The following COG3 variants were observed in gnomAD, a reference collection of about 807,000 sequenced individuals.
COG3 encodes conserved oligomeric Golgi complex subunit 3.
COG3 carries 32 observed loss-of-function variants against 114.1 expected under a neutral mutation model. That is an observed-to-expected ratio of 0.28 (90% confidence interval 0.21 to 0.38). COG3 has a LOEUF of 0.38. Among genes scored for constraint, COG3 ranks in the 10% least tolerant of loss-of-function variants. The pLI, the probability that COG3 is intolerant of heterozygous loss-of-function variation, is 1.00. For missense variants in COG3, 813 were observed against 973.2 expected (o/e 0.84, Z 2.19); for synonymous variants, 352 against 365.7 (o/e 0.96, Z 0.43).
At chr13:45,520,235 T>C (rs1411003848) in intron 19 of COG3, among the ~76,000 whole-genome samples, 1 of 149,412 alleles carries the variant, frequency 6.7e-6, no homozygotes, top group Non-Finnish European at 1.5e-5. Flanking sequence ...GTGCAGTGAG[T>C]CAAGATCATC....
intron 19 of COG3, 77 bp downstream of exon 19, chr13:45,519,171 T>A: frequency 2.0e-6 from 3 of 1,505,902 alleles, no homozygotes; most frequent in Non-Finnish European, 2.7e-6. Context: ...CTCTCTTGTG[T>A]AAACTCTGGC....
At position 45,491,699 on chromosome 13, in the gene COG3, C is replaced by G. The variant is rs138790967; in HGVS notation, c.1095+161C>G. 5.7e-3 allele frequency among the ~76,000 whole-genome samples: 870 copies of G among 152,158 alleles called. 16 individuals carry two copies. The highest frequency in any genetic ancestry group is 5.7e-3 in the Non-Finnish European group (387 of 67,990). The stretch of plus-strand genomic sequence containing the variant: ...CTAGTTTGGTAATTAGCCTTATTCA[C>G]CTTTGCAAAATATTCTCATTTTTTA... On this transcript the variant is annotated intron_variant, in intron 10 of 22. Transcript: ENST00000349995.
chr13:45,500,036 ATG>A (rs1566257025), intron 13 of COG3, among the ~76,000 whole-genome samples: 55 of 109,572 alleles, frequency 5.0e-4, no homozygotes, highest in Middle Eastern at 3.9e-3. Context: ...ATATATATAT[ATG>A]TATGTGTGTG....
intron 12 of COG3, chr13:45,493,972 A>G (rs1868412682): frequency 6.5e-6 from 1 of 152,694 alleles, no homozygotes; most frequent in Non-Finnish European, 1.5e-5. Flanking sequence ...ATTCTTCAGT[A>G]TTTGATTTGA....
At chr13:45,510,853 T>C (rs1019283933) in intron 15 of COG3, among the ~76,000 whole-genome samples, 1 of 152,246 alleles carries the variant, frequency 6.6e-6, no homozygotes, top group African/African-American at 2.4e-5. Context: ...CATCTTAAGC[T>C]TTCTTAGGCA....
chr13:45,481,319 T>C lies in COG3; in HGVS notation c.624+15T>C, dbSNP rs1279504381. 1 of 1,352,662 alleles carries C rather than the reference T, an allele frequency of 7.4e-7. No individual in the cohort carries two copies. The highest frequency in any genetic ancestry group is 1.0e-6 in the Non-Finnish European group (1 of 954,664). The allele number at this position is 1,352,662 out of a possible 1,614,324, so 83.8% of individuals were successfully genotyped here. A position where few individuals can be genotyped will look rare whatever the true frequency, so the allele number is the denominator to read the frequency against. On this transcript the variant is annotated intron_variant, in intron 5 of 22. Transcript: ENST00000349995. ...CTATTAACACAGTAAGCATTGTTCT[T>C]TACTTCTTATAAAGTTAGTGATTTT...
At chr13:45,518,926 A>G in intron 18 of COG3, 34 bp from the exon 19 acceptor site, 1 of 1,613,610 alleles carries the variant, frequency 6.2e-7, no homozygotes. Context: ...CTAGGCACAT[A>G]AAAACAGGAG....
At position 45,480,308 on chromosome 13, in the gene COG3, A is replaced by G. The variant is rs745326793; in HGVS notation, c.549+18A>G. On this transcript the variant is annotated intron_variant, in intron 4 of 22. Transcript: ENST00000349995. The stretch of plus-strand genomic sequence containing the variant: ...AAGAACAGGTAATTTGGAGTAAGAG[A>G]GAGGATCAGTCATTATATTTAATAT... The G allele has an allele frequency of 6.5e-7, 1 of 1,547,676 alleles. No homozygotes were observed. Among genetic ancestry groups the G allele is most frequent in the South Asian group, 1.2e-5 (1 of 86,600 alleles).
rs762425636 is a variant in COG3, at chr13:45,530,696, A to G, written c.2373A>G (p.Gln791=). ...LFKPVRNNIQ[Q]VFQKFHALLK... is the part of the protein sequence containing the mutation. ...TCCTTTCTAAGAATAATATTCAGCA[A>G]GTCTTCCAGAAGTTCCACGCTCTGT... Residue 791 remains glutamine, a synonymous_variant, in exon 22 of 23, where the codon CAA becomes CAG. Coordinates refer to ENST00000349995, the MANE Select transcript of COG3 (RefSeq NM_031431.4). The G allele has an allele frequency of 6.2e-7, 1 of 1,605,352 alleles. No individual in the cohort carries two copies. Among genetic ancestry groups the G allele is most frequent in the Non-Finnish European group, 8.5e-7 (1 of 1,172,118 alleles).
Position 45,470,976 on chromosome 13 carries a change from A to C in COG3, c.175-5225A>C, listed in dbSNP as rs548772119. 2.6e-5 allele frequency among the ~76,000 whole-genome samples: 4 copies of C among 152,362 alleles called. No homozygotes were observed. In the South Asian group the frequency reaches 8.3e-4, roughly 32 times the overall value. On this transcript the variant is annotated intron_variant, in intron 1 of 22. Transcript: ENST00000349995. The stretch of plus-strand genomic sequence containing the variant: ...CCAGTGAGCCACATACTTTTGACTT[A>C]GGATATTTTCAACTTCCGAAGGGTT...
At position 45,525,042 on chromosome 13, in the gene COG3, G is replaced by A. The variant is rs1250852624; in HGVS notation, c.2221G>A (p.Ala741Thr). The change falls in exon 20 of 23, where the codon GCA becomes ACA. Residue 741 changes from alanine to threonine, a missense_variant. By Grantham distance (58) the Ala-to-Thr change is moderately conservative (BLOSUM62 0). Transcript: ENST00000349995. ...GTATACTCTCTCACAGCAGCCTTGG[G>A]CACAACCAGGTATTCTGATTTGACC... ...PKYTLSQQPW[A>T]QPAKVNDLAA... The A allele has an allele frequency of 6.2e-7, 1 of 1,613,304 alleles. No homozygotes were observed. The highest frequency in any genetic ancestry group is 1.7e-5 in the Admixed American group (1 of 59,984).
At chr13:45,508,962 T>G (rs572234306) in intron 14 of COG3, among the ~76,000 whole-genome samples, 1 of 152,174 alleles carries the variant, frequency 6.6e-6, no homozygotes, top group East Asian at 1.9e-4. Flanking sequence ...TGTTTAGAAG[T>G]GCTTTGTTTT....
Position 45,517,195 on chromosome 13 carries a change from C to T in COG3, c.1930+932C>T, listed in dbSNP as rs1029952005. Reference sequence around the variant, plus strand: ...GCCATTCATTTATGTGATCAGTTAACTTCTCTCTAATGTTTTGGGGCAATT... The same window carrying T: ...GCCATTCATTTATGTGATCAGTTAATTTCTCTCTAATGTTTTGGGGCAATT... On this transcript the variant is annotated intron_variant, in intron 17 of 22. Coordinates refer to ENST00000349995, the MANE Select transcript of COG3 (RefSeq NM_031431.4). Among the ~76,000 whole-genome samples, 4 of 152,092 alleles carry T rather than the reference C, an allele frequency of 2.6e-5. No individual in the cohort carries two copies. The South Asian group carries it at 8.3e-4, about 32-fold the overall frequency.
Position 45,491,422 on chromosome 13 carries a change from C to T in COG3, c.979C>T (p.Leu327=). ...TTTGCTTTCTGTCAGATACCAACAA[C>T]TGCTAAATGATATCCACCAGTGTTA... ...RSEKIPEYQQ[L]LNDIHQCYLD... The change falls in exon 10 of 23, where the codon CTG becomes TTG. Residue 327 remains leucine, a synonymous_variant. Transcript: ENST00000349995. 6.2e-7 allele frequency: 1 copy of T among 1,607,222 alleles called. No homozygotes were observed. The highest frequency in any genetic ancestry group is 8.5e-7 in the Non-Finnish European group (1 of 1,178,156).
At position 45,535,565 on chromosome 13, in the gene COG3, A is replaced by C. The variant is rs1002048730; in HGVS notation, c.*834A>C. 2 of 984,204 alleles carry C rather than the reference A, an allele frequency of 2.0e-6. No homozygotes were observed. Among genetic ancestry groups the C allele is most frequent in the Admixed American group, 1.2e-4 (2 of 16,216 alleles). The allele number at this position is 984,204 out of a possible 1,614,324, so 61.0% of individuals were successfully genotyped here. On this transcript the variant is annotated 3_prime_UTR_variant, in exon 23 of 23. Transcript: ENST00000349995. The stretch of plus-strand genomic sequence containing the variant: ...GAGGAGTAGTGTTCCTCCTGAATGA[A>C]GGTTCAGGTCACCAGCCTTCTGTAC...
chr13:45,494,517 G>T (rs559966493), intron 12 of COG3, among the ~76,000 whole-genome samples: 2 of 151,798 alleles, frequency 1.3e-5, no homozygotes, highest in Admixed American at 6.6e-5. Flanking sequence ...AATTCATATG[G>T]TTTTTTTGTT....
rs145141215 is a variant in COG3 at position 45,496,234 on chromosome 13, C to T, written c.1410C>T (p.Ile470=). The T allele has an allele frequency of 1.5e-5, 25 of 1,613,076 alleles. No homozygotes were observed. The African/African-American group carries it at 3.2e-4, about 21-fold the overall frequency. Residue 470 remains isoleucine (I), a synonymous_variant, in exon 13 of 23, where the codon ATC becomes ATT. Transcript: ENST00000349995. The part of the protein sequence containing the change: ...VQERLVYRTH[I]YIQTDITGYK... ...AGCGGCTCGTCTACCGAACCCACAT[C>T]TATATTCAGACGGACATCACGGGCT...
intron 20 of COG3, among the ~76,000 whole-genome samples, 169 bp from the exon 21 acceptor site, chr13:45,529,622 G>A (rs1454095778): frequency 6.6e-6 from 1 of 152,010 alleles, no homozygotes; most frequent in Admixed American, 6.6e-5. Context: ...TGTTTATAGG[G>A]CTTATGATTA....
chr13:45,514,315 C>T (rs6561232), intron 16 of COG3, among the ~76,000 whole-genome samples: 22,014 of 152,016 alleles, frequency 0.14, 2,539 homozygotes, highest in African/African-American at 0.32. Context: ...TGTGTGCCAC[C>T]ACGCCCAGCT....
Sources: allele counts gnomAD v4.1 joint callset (sites outside exome capture counted in the v4.1 genomes callset), GRCh38; gene constraint gnomAD v4.1.1; transcripts MANE v1.5; gene names NCBI Gene and HGNC (gene_info 2026-07-23, HGNC 2026-07-21).